PCDHGA9: variants seen among roughly 807,000 people sequenced by gnomAD.
The protein encoded by PCDHGA9 is protocadherin gamma subfamily A, 9.
In PCDHGA9, 37 loss-of-function variants were observed where a neutral mutation model predicts 62.5. That is an observed-to-expected ratio of 0.59 (90% confidence interval 0.46 to 0.78). The LOEUF (loss-of-function observed/expected upper bound fraction) is 0.78. PCDHGA9 is among the 30% of genes least tolerant of loss of function. PCDHGA9 has a pLI of 0.00. For missense variants in PCDHGA9, 1,138 were observed against 1,166.2 expected (o/e 0.98, Z 0.35); for synonymous variants, 459 against 484.6 (o/e 0.95, Z 0.69).
At chr5:141,423,510 TGCGGACTC>T in intron 1 of PCDHGA9, 1 of 1,613,792 alleles carries the variant, frequency 6.2e-7, no homozygotes, top group South Asian at 1.1e-5. Context: ...TCTCTCTCAT[TGCGGACTC>T]GCAGAAGAGT....
chr5:141,445,708 G>A (rs2098475030), intron 1 of PCDHGA9, among the ~76,000 whole-genome samples: 1 of 152,168 alleles, frequency 6.6e-6, no homozygotes, highest in African/African-American at 2.4e-5. Flanking sequence ...AAATTGTCAG[G>A]CAGAGGAAAT....
intron 3 of PCDHGA9, 110 bp downstream of exon 3, chr5:141,505,591 G>T: frequency 6.4e-7 from 1 of 1,570,280 alleles, no homozygotes; most frequent in Non-Finnish European, 8.7e-7. Flanking sequence ...AGTTTCTCCA[G>T]ATCTTTCGGC....
At chr5:141,448,782 T>C (rs2098606045) in intron 1 of PCDHGA9, among the ~76,000 whole-genome samples, 1 of 148,758 alleles carries the variant, frequency 6.7e-6, no homozygotes, top group Non-Finnish European at 1.5e-5. Flanking sequence ...GTACTAAAAA[T>C]ACAAAAAAAA....
chr5:141,433,906 A>G (rs1218318743), intron 1 of PCDHGA9, among the ~76,000 whole-genome samples: 1 of 151,412 alleles, frequency 6.6e-6, no homozygotes, highest in Non-Finnish European at 1.5e-5. Flanking sequence ...ATCACTTATT[A>G]CAATCACCTC....
chr5:141,480,122 C>T (rs576224922), intron 1 of PCDHGA9, among the ~76,000 whole-genome samples: 1 of 151,948 alleles, frequency 6.6e-6, no homozygotes, highest in African/African-American at 2.4e-5. Flanking sequence ...CCTGGCATAT[C>T]ATAACTGTTA....
rs1442570663 is a variant in PCDHGA9, at chr5:141,438,613, TATATATATATATATATATATATACACAC to T, written c.2424+33239_2424+33266del. On this transcript the variant is annotated intron_variant, in intron 1 of 3. Transcript: ENST00000573521. Reference sequence around the variant, plus strand: ...ATACATATATATATATATATATATATATATATATATATATATATATATACACACACACACACACATATATGTATATATA... The same window carrying T: ...ATACATATATATATATATATATATATACACACACACATATATGTATATATA... Among the ~76,000 whole-genome samples, 243 of 36,492 alleles carry T rather than the reference TATATATATATATATATATATATACACAC, an allele frequency of 6.7e-3. 7 individuals are homozygous for T. The highest frequency in any genetic ancestry group is 0.033 in the East Asian group (37 of 1,124). The allele number at this position is 36,492 out of a possible 152,430, so 23.9% of individuals were successfully genotyped here.
intron 1 of PCDHGA9, among the ~76,000 whole-genome samples, chr5:141,434,195 T>C (rs1561872734): frequency 6.6e-6 from 1 of 151,916 alleles, no homozygotes; most frequent in Non-Finnish European, 1.5e-5. Flanking sequence ...AATTCCAATG[T>C]ACTTACTTCT....
Position 141,422,444 on chromosome 5 carries a change from T to TA in PCDHGA9, c.2424+17070dup, listed in dbSNP as rs1171104340. 1.9e-6 allele frequency: 3 copies of TA among 1,610,490 alleles called. No homozygotes were observed. The Admixed American group carries it at 5.1e-5, about 27-fold the overall frequency. ...ACTTATGGAAATTATTACAAATTGA[T>TA]AACAAGCAGAGTGCTGGACAGGGAG... On this transcript the variant is annotated intron_variant, in intron 1 of 3. Coordinates refer to ENST00000573521, the MANE Select transcript of PCDHGA9 (RefSeq NM_018921.3).
chr5:141,491,763 T>C lies in PCDHGA9; in HGVS notation c.2425-3044T>C. 1 of 1,570,222 alleles carries C rather than the reference T, an allele frequency of 6.4e-7. No homozygotes were observed. Among genetic ancestry groups the C allele is most frequent in the Non-Finnish European group, 8.6e-7 (1 of 1,159,286 alleles). Reference sequence around the variant, plus strand: ...GCGGCACTGGAGAAGCCGCCCGTCCTCATAAGGGATTGAACTTGCATCCAC... The same window carrying C: ...GCGGCACTGGAGAAGCCGCCCGTCCCCATAAGGGATTGAACTTGCATCCAC... On this transcript the variant is annotated intron_variant, in intron 1 of 3. Coordinates refer to ENST00000573521, the MANE Select transcript of PCDHGA9 (RefSeq NM_018921.3). The surrounding 1 kb of genome is among the most constrained non-coding windows in gnomAD (Gnocchi z 6.9).
chr5:141,505,570 C>A, intron 3 of PCDHGA9, 89 bp downstream of exon 3: 1 of 1,598,160 alleles, frequency 6.3e-7, no homozygotes, highest in South Asian at 1.1e-5. Context: ...GACTGGATGT[C>A]AAACCTGTGT....
Position 141,432,254 on chromosome 5 carries a change from G to A in PCDHGA9, c.2424+26878G>A, listed in dbSNP as rs935437220. 6.2e-7 allele frequency: 1 copy of A among 1,614,242 alleles called. No homozygotes were observed. The highest frequency in any genetic ancestry group is 8.5e-7 in the Non-Finnish European group (1 of 1,180,050). ...CCTGGCTGAGAACACCATCCAAGGG[G>A]CAAGCCTATCGTCCTACGTGTCCAT... On this transcript the variant is annotated intron_variant, in intron 1 of 3. Transcript: ENST00000573521. The surrounding 1 kb of genome is among the most constrained non-coding windows in gnomAD (Gnocchi z 6.0).
Position 141,490,369 on chromosome 5 carries a change from C to T in PCDHGA9, c.2425-4438C>T, listed in dbSNP as rs201347968. On this transcript the variant is annotated intron_variant, in intron 1 of 3. Transcript: ENST00000573521. This position sits in a 1 kb window ranked among gnomAD's most constrained non-coding sequence, Gnocchi z 5.4. ...AGTGGGGTTGTTTAATGTGCGAGAC[C>T]GGGACTCAGGTAGAAATGGTGAAGT... The T allele has an allele frequency of 4.0e-5, 64 of 1,614,090 alleles. No individual in the cohort carries two copies. In the Admixed American group the frequency reaches 6.0e-4, roughly 15 times the overall value.
At chr5:141,419,584 C>T in intron 1 of PCDHGA9, 1 of 1,611,798 alleles carries the variant, frequency 6.2e-7, no homozygotes, top group Non-Finnish European at 8.5e-7. Context: ...CCGCGCTCTT[C>T]GACACAGTGC....
In PCDHGA9 at chr5:141,485,219, A is replaced by C. The variant is rs954128321; in HGVS notation, c.2425-9588A>C. 20 of 1,613,930 alleles carry C rather than the reference A, an allele frequency of 1.2e-5. No individual in the cohort carries two copies. The highest frequency in any genetic ancestry group is 1.6e-5 in the Non-Finnish European group (19 of 1,179,944). On this transcript the variant is annotated intron_variant, in intron 1 of 3. Coordinates refer to ENST00000573521, the MANE Select transcript of PCDHGA9 (RefSeq NM_018921.3). The surrounding 1 kb of genome is among the most constrained non-coding windows in gnomAD (Gnocchi z 5.7). The stretch of plus-strand genomic sequence containing the variant: ...CTGGACAGAAATCTGGCGGTGGGCT[A>C]CCCTTTTGTTCCTCTTTTACCACCT...
At chr5:141,443,953 T>C (rs1373953428) in intron 1 of PCDHGA9, among the ~76,000 whole-genome samples, 1 of 152,142 alleles carries the variant, frequency 6.6e-6, no homozygotes, top group Non-Finnish European at 1.5e-5. Context: ...CTTATTGGTA[T>C]GTATTCTGTG....
rs1404656316 is a variant in PCDHGA9 at position 141,486,648 on chromosome 5, A to G, written c.2425-8159A>G. 6.2e-7 allele frequency: 1 copy of G among 1,613,298 alleles called. No individual in the cohort carries two copies. The highest frequency in any genetic ancestry group is 8.5e-7 in the Non-Finnish European group (1 of 1,179,892). The stretch of plus-strand genomic sequence containing the variant: ...TCTGGCTTGAATGCGCTTATCTCCT[A>G]CTCACTCCTGGAGCCCAGGAATCGA... On this transcript the variant is annotated intron_variant, in intron 1 of 3. Coordinates refer to ENST00000573521, the MANE Select transcript of PCDHGA9 (RefSeq NM_018921.3). This position sits in a 1 kb window ranked among gnomAD's most constrained non-coding sequence, Gnocchi z 5.0.
chr5:141,410,317 C>T lies in PCDHGA9; in HGVS notation c.2424+4941C>T, dbSNP rs527641698. ...CCTTAATCTCAGTGCTCTTCCTCCT[C>T]GCCGTGATTCTGGCCATTGCCTTGC... On this transcript the variant is annotated intron_variant, in intron 1 of 3. Coordinates refer to ENST00000573521, the MANE Select transcript of PCDHGA9 (RefSeq NM_018921.3). The T allele has an allele frequency of 2.7e-5, 43 of 1,614,010 alleles. No individual in the cohort carries two copies. In the East Asian group the frequency reaches 8.0e-4, roughly 30 times the overall value.
At chr5:141,410,619 C>T (rs757187051) in intron 1 of PCDHGA9, 8 of 1,603,614 alleles carry the variant, frequency 5.0e-6, no homozygotes, top group Admixed American at 3.3e-5. Flanking sequence ...ACTCTGACTT[C>T]GGTGAGTTTC....
At chr5:141,508,535 C>CA (rs1426956469) in intron 3 of PCDHGA9, among the ~76,000 whole-genome samples, 1 of 152,172 alleles carries the variant, frequency 6.6e-6, no homozygotes, top group Admixed American at 6.5e-5. Flanking sequence ...GGGCACCCCC[C>CA]ACGAGGTGGG....
Sources: allele counts gnomAD v4.1 joint callset (sites outside exome capture counted in the v4.1 genomes callset), GRCh38; gene constraint gnomAD v4.1.1; non-coding constraint Gnocchi (gnomAD v3.1); transcripts MANE v1.5; gene names NCBI Gene and HGNC (gene_info 2026-07-23, HGNC 2026-07-21).